Variants in PLXDC2 observed in about 807,000 individuals in gnomAD.
PLXDC2 encodes the protein plexin domain containing 2.
Under a neutral mutation model 68.9 loss-of-function variants are expected in PLXDC2, and 40 were observed. That is an observed-to-expected ratio of 0.58 (90% CI 0.45 to 0.76). PLXDC2 has a LOEUF of 0.76. Ranked by LOEUF, PLXDC2 falls within the 30% of genes least tolerant of loss-of-function variation. PLXDC2 has a pLI of 0.00. For synonymous variants in PLXDC2, 243 were observed against 234.2 expected, an observed-to-expected ratio of 1.04 and a Z score of -0.34; for missense variants, 644 against 661.9, an observed-to-expected ratio of 0.97 and a Z score of 0.30.
At chr10:20,237,266 A>G (rs753597750) in intron 12 of PLXDC2, among the ~76,000 whole-genome samples, 3 of 152,208 alleles carry the variant, frequency 2.0e-5, no homozygotes, top group Admixed American at 6.5e-5. Context: ...AGTAATAGCT[A>G]ATGTGAATTA....
chr10:20,043,897 C>A (rs1314720168), intron 2 of PLXDC2, among the ~76,000 whole-genome samples: 2 of 151,940 alleles, frequency 1.3e-5, no homozygotes, highest in African/African-American at 2.4e-5. Flanking sequence ...GAAATGAATT[C>A]TAGGTGGCCT....
chr10:20,047,129 A>G, intron 3 of PLXDC2, 114 bp downstream of exon 3: 1 of 1,046,768 alleles, frequency 9.6e-7, no homozygotes, highest in Non-Finnish European at 1.3e-6. Flanking sequence ...GAATGGCCTT[A>G]TCTGTGGTAA....
Position 19,994,811 on chromosome 10 carries a change from C to T in PLXDC2, c.113-6964C>T, listed in dbSNP as rs1006902540. Among the ~76,000 whole-genome samples the T allele has an allele frequency of 1.5e-4, 23 of 151,456 alleles. No homozygotes were observed. The East Asian group carries it at 3.5e-3, about 23-fold the overall frequency. On this transcript the variant is annotated intron_variant, in intron 1 of 13. Coordinates refer to ENST00000377252, the MANE Select transcript of PLXDC2 (RefSeq NM_032812.9). ...AGGCTGGGGTCCAGTGGTGCAATCTCGGCTCACTGCAACCTCCGCTTCCCG... is the reference window on the plus strand; with the variant it reads ...AGGCTGGGGTCCAGTGGTGCAATCTTGGCTCACTGCAACCTCCGCTTCCCG...
intron 4 of PLXDC2, among the ~76,000 whole-genome samples, chr10:20,120,747 C>A (rs894173152): frequency 6.6e-6 from 1 of 151,976 alleles, no homozygotes; most frequent in Middle Eastern, 3.2e-3. Context: ...CCTGAATAAT[C>A]CCTGAGGAGT....
intron 3 of PLXDC2, among the ~76,000 whole-genome samples, chr10:20,050,163 G>T (rs752270780): frequency 6.6e-6 from 1 of 152,106 alleles, no homozygotes; most frequent in Non-Finnish European, 1.5e-5. Context: ...GCCATATACA[G>T]CAGATTGAAG....
At chr10:19,826,524 C>G (rs1362926007) in intron 1 of PLXDC2, among the ~76,000 whole-genome samples, 1 of 152,082 alleles carries the variant, frequency 6.6e-6, no homozygotes, top group Non-Finnish European at 1.5e-5. Context: ...TGTGGATGCC[C>G]TGTGAAAATC....
intron 1 of PLXDC2, among the ~76,000 whole-genome samples, chr10:19,960,326 T>C (rs971608530): frequency 2.6e-5 from 4 of 151,946 alleles, no homozygotes; most frequent in Admixed American, 6.6e-5. Context: ...ATCTCACCAC[T>C]GCACTCCAGC....
At chr10:20,130,277 TGA>T (rs1564326645) in intron 4 of PLXDC2, among the ~76,000 whole-genome samples, 3 of 152,122 alleles carry the variant, frequency 2.0e-5, no homozygotes, top group Non-Finnish European at 2.9e-5. Context: ...CTATTGTATG[TGA>T]GAGTGTTAAT....
intron 2 of PLXDC2, among the ~76,000 whole-genome samples, chr10:20,042,922 G>C (rs138632529): frequency 5.8e-4 from 88 of 152,244 alleles, no homozygotes; most frequent in African/African-American, 2.0e-3. Flanking sequence ...CTAACAGTTG[G>C]TTTCCTAAAT....
intron 1 of PLXDC2, among the ~76,000 whole-genome samples, chr10:19,846,929 T>C (rs1243857540): frequency 6.6e-6 from 1 of 152,100 alleles, no homozygotes. Context: ...AAAAGGCACG[T>C]CTTACACGGC....
chr10:19,951,353 A>G (rs1407299331), intron 1 of PLXDC2, among the ~76,000 whole-genome samples: 1 of 152,230 alleles, frequency 6.6e-6, no homozygotes, highest in African/African-American at 2.4e-5. Flanking sequence ...TCTCAAAACA[A>G]AGAAACAAAC....
chr10:19,937,002 A>G (rs1833736142), intron 1 of PLXDC2, among the ~76,000 whole-genome samples: 1 of 152,104 alleles, frequency 6.6e-6, no homozygotes, highest in Non-Finnish European at 1.5e-5. Flanking sequence ...TTCAATTTAG[A>G]TGTTTGATGT....
At chr10:20,238,171 T>C (rs1835459197) in intron 12 of PLXDC2, among the ~76,000 whole-genome samples, 1 of 149,672 alleles carries the variant, frequency 6.7e-6, no homozygotes, top group Non-Finnish European at 1.5e-5. Flanking sequence ...TATATACATA[T>C]ATATACAAAT....
rs959855187 is a variant in PLXDC2 at position 19,974,897 on chromosome 10, G to C, written c.113-26878G>C. ...GATTCTCAAAGGCAGCTTGTTGAAG[G>C]ACCCAGGAAAAGGTCATCTTCTGAC... is the stretch of plus-strand genomic sequence containing the variant. On this transcript the variant is annotated intron_variant, in intron 1 of 13. Coordinates refer to ENST00000377252, the MANE Select transcript of PLXDC2 (RefSeq NM_032812.9). Among the ~76,000 whole-genome samples, 8 of 152,122 alleles carry C rather than the reference G, an allele frequency of 5.3e-5. 1 individual carries two copies. The highest frequency in any genetic ancestry group is 1.7e-4 in the African/African-American group (7 of 41,428).
intron 1 of PLXDC2, among the ~76,000 whole-genome samples, chr10:19,854,873 G>A (rs1837185287): frequency 6.6e-6 from 1 of 152,162 alleles, no homozygotes; most frequent in African/African-American, 2.4e-5. Flanking sequence ...TTTTATAACA[G>A]TTTTCCACTG....
chr10:19,986,526 T>A (rs1310630269), intron 1 of PLXDC2, among the ~76,000 whole-genome samples: 1 of 147,838 alleles, frequency 6.8e-6, no homozygotes, highest in Admixed American at 6.8e-5. Context: ...CACTGAAAGA[T>A]GTTGATGGCT....
intron 12 of PLXDC2, among the ~76,000 whole-genome samples, chr10:20,221,751 C>T (rs1320442550): frequency 6.6e-6 from 1 of 152,154 alleles, no homozygotes; most frequent in Non-Finnish European, 1.5e-5. Flanking sequence ...ATTTAATAAA[C>T]ATTTCTGCAA....
At chr10:20,046,172 T>TATAC (rs1163419546) in intron 2 of PLXDC2, among the ~76,000 whole-genome samples, 4 of 152,072 alleles carry the variant, frequency 2.6e-5, no homozygotes, top group African/African-American at 7.2e-5. Flanking sequence ...TACTTTAGGT[T>TATAC]TTTAGTAAAA....
At chr10:19,923,403 G>T (rs1833491744) in intron 1 of PLXDC2, among the ~76,000 whole-genome samples, 1 of 152,072 alleles carries the variant, frequency 6.6e-6, no homozygotes, top group African/African-American at 2.4e-5. Context: ...TTAACACAGG[G>T]TTTATCAAAG....
Sources: allele counts gnomAD v4.1 joint callset (sites outside exome capture counted in the v4.1 genomes callset), GRCh38; gene constraint gnomAD v4.1.1; transcripts MANE v1.5; gene names NCBI Gene and HGNC (gene_info 2026-07-23, HGNC 2026-07-21).